Variants in SLC30A9 observed in about 807,000 individuals in gnomAD.
SLC30A9 encodes the protein proton-coupled zinc antiporter SLC30A9, mitochondrial.
In SLC30A9, 58 loss-of-function variants were observed where a neutral mutation model predicts 87.5. That is an observed-to-expected ratio of 0.66 (90% CI 0.54 to 0.82). The LOEUF (loss-of-function observed/expected upper bound fraction) is 0.82. Among genes scored for constraint, SLC30A9 ranks in the 40% least tolerant of loss-of-function variants. The pLI is 0.00. For synonymous variants in SLC30A9, 234 were observed against 233.0 expected, an observed-to-expected ratio of 1.00 and a Z score of -0.04; for missense variants, 557 against 679.1, an observed-to-expected ratio of 0.82 and a Z score of 2.00.
intron 4 of SLC30A9, among the ~76,000 whole-genome samples, chr4:42,022,094 C>T (rs1473560007): frequency 2.6e-5 from 2 of 75,776 alleles, no homozygotes; most frequent in African/African-American, 5.5e-5. Context: ...CGCCACCACG[C>T]CCGGCTAATT....
intron 8 of SLC30A9, among the ~76,000 whole-genome samples, chr4:42,047,949 C>A (rs951584428): frequency 6.6e-6 from 1 of 152,030 alleles, no homozygotes; most frequent in African/African-American, 2.4e-5. Flanking sequence ...AAGCTGGAAA[C>A]CATCATTCTC....
intron 1 of SLC30A9, among the ~76,000 whole-genome samples, chr4:41,993,801 C>G (rs1299007656): frequency 6.6e-6 from 1 of 152,140 alleles, no homozygotes; most frequent in Non-Finnish European, 1.5e-5. Flanking sequence ...GAGTGGGAAA[C>G]TGAAATATAT....
chr4:42,060,976 A>G (rs1717823104), intron 10 of SLC30A9, among the ~76,000 whole-genome samples: 1 of 152,198 alleles, frequency 6.6e-6, no homozygotes, highest in Non-Finnish European at 1.5e-5. Flanking sequence ...AATGTTTTGT[A>G]ACTGTCAAGC....
intron 6 of SLC30A9, among the ~76,000 whole-genome samples, chr4:42,027,990 G>A (rs1716262560): frequency 6.6e-6 from 1 of 152,230 alleles, no homozygotes; most frequent in African/African-American, 2.4e-5. Flanking sequence ...TTTGAATGAT[G>A]TTCCTTGGCT....
intron 6 of SLC30A9, 57 bp downstream of exon 6, chr4:42,023,441 T>C (rs1299833456): frequency 1.8e-6 from 2 of 1,141,748 alleles, no homozygotes; most frequent in South Asian, 1.3e-5. Flanking sequence ...AGATGAGAAC[T>C]GTATCTGTAA....
At chr4:42,066,764 C>G (rs1193825424) in intron 13 of SLC30A9, 143 bp downstream of exon 13, 1 of 569,694 alleles carries the variant, frequency 1.8e-6, no homozygotes, top group East Asian at 2.9e-5. Flanking sequence ...TATCCTTCAG[C>G]CCTTATTAAA....
chr4:42,067,635 A>G (rs1718134274), intron 14 of SLC30A9, among the ~76,000 whole-genome samples: 1 of 152,250 alleles, frequency 6.6e-6, no homozygotes, highest in African/African-American at 2.4e-5. Context: ...ATTTTGTTAT[A>G]ACATTGTTGC....
At chr4:42,037,236 CTTCTTTTTTTTTTTTTTTT>C (rs1716713470) in intron 7 of SLC30A9, among the ~76,000 whole-genome samples, 1 of 88,528 alleles carries the variant, frequency 1.1e-5, no homozygotes, top group Non-Finnish European at 2.3e-5. Flanking sequence ...AATTAAATGC[CTTCTTTTTTTTTTTTTTTT>C]TTTTTTTTTT....
intron 6 of SLC30A9, among the ~76,000 whole-genome samples, chr4:42,027,524 G>T (rs1297453680): frequency 5.9e-5 from 9 of 151,512 alleles, no homozygotes; most frequent in African/African-American, 1.5e-4. Flanking sequence ...TAGACATCTA[G>T]TGTTGTGCTT....
chr4:42,025,663 T>C (rs1222834832), intron 6 of SLC30A9, among the ~76,000 whole-genome samples: 4 of 152,076 alleles, frequency 2.6e-5, no homozygotes, highest in African/African-American at 9.7e-5. Flanking sequence ...TGTTGATTAT[T>C]TTTATTTTAT....
At chr4:42,078,348 A>G in intron 17 of SLC30A9, 23 bp downstream of exon 17, 1 of 1,210,658 alleles carries the variant, frequency 8.3e-7, no homozygotes, top group Non-Finnish European at 1.2e-6. Flanking sequence ...CATAAAAATA[A>G]CATAATGATA....
Position 42,049,370 on chromosome 4 carries a change from C to G in SLC30A9, c.738-7C>G. 6.3e-7 allele frequency: 1 copy of G among 1,580,016 alleles called. No individual in the cohort carries two copies. The highest frequency in any genetic ancestry group is 1.4e-5 in the African/African-American group (1 of 73,880). ...CTATGCTAAATTGTTTTCTCTTTCT[C>G]TTCTAGCAATGGATTAAACTGCTTC... On this transcript the variant is annotated splice_region_variant and splice_polypyrimidine_tract_variant and intron_variant, in intron 8 of 17. Transcript: ENST00000264451.
intron 9 of SLC30A9, among the ~76,000 whole-genome samples, chr4:42,052,420 T>C (rs989792953): frequency 1.2e-4 from 19 of 152,194 alleles, no homozygotes; most frequent in African/African-American, 4.6e-4. Context: ...AATTCCAAAA[T>C]TCATACGGAC....
intron 3 of SLC30A9, chr4:42,018,608 A>G (rs1355394887): frequency 3.7e-6 from 1 of 272,116 alleles, no homozygotes; most frequent in East Asian, 1.1e-4. Flanking sequence ...TCCCATCTCC[A>G]AAGCAGCTGT....
At chr4:41,995,467 C>T (rs1356375882) in intron 1 of SLC30A9, among the ~76,000 whole-genome samples, 4 of 152,018 alleles carry the variant, frequency 2.6e-5, no homozygotes, top group African/African-American at 9.7e-5. Flanking sequence ...GGATGGTTTC[C>T]ACCTTTCTTC....
rs370823244 is a variant in SLC30A9, at chr4:41,994,026, G to A, written c.109+3266G>A. On this transcript the variant is annotated intron_variant, in intron 1 of 17. Transcript: ENST00000264451. ...ACAAAAACTAGCTGGGCATGGTGGC[G>A]GGCGCCTGTAATCCCAGCTACTTGG... 2.4e-3 allele frequency among the ~76,000 whole-genome samples: 360 copies of A among 152,050 alleles called. 1 individual carries two copies. Among genetic ancestry groups the A allele is most frequent in the African/African-American group, 8.2e-3 (340 of 41,454 alleles).
chr4:42,085,904 A>G (rs1718907503), intron 17 of SLC30A9, among the ~76,000 whole-genome samples, 178 bp from the exon 18 acceptor site: 1 of 151,582 alleles, frequency 6.6e-6, no homozygotes, highest in South Asian at 2.1e-4. Context: ...TGTACTGTTT[A>G]TAGTATGTCT....
intron 6 of SLC30A9, among the ~76,000 whole-genome samples, chr4:42,028,762 T>C (rs1026186195): frequency 2.0e-5 from 3 of 152,152 alleles, no homozygotes; most frequent in Non-Finnish European, 4.4e-5. Context: ...TGCATTTCAG[T>C]GGTTTAGCAG....
chr4:41,995,054 T>C (rs1449308256), intron 1 of SLC30A9, among the ~76,000 whole-genome samples: 4 of 151,288 alleles, frequency 2.6e-5, no homozygotes, highest in African/African-American at 9.7e-5. Flanking sequence ...GGTCAGGAGT[T>C]CTAGACCAGC....
Sources: allele counts gnomAD v4.1 joint callset (sites outside exome capture counted in the v4.1 genomes callset), GRCh38; gene constraint gnomAD v4.1.1; transcripts MANE v1.5; gene names NCBI Gene and HGNC (gene_info 2026-07-23, HGNC 2026-07-21).